XRN1: variants seen among roughly 807,000 people sequenced by gnomAD.
The protein encoded by XRN1 is strand-exchange protein 1 homolog.
A neutral mutation model predicts 222.3 loss-of-function variants in XRN1; 67 were observed. That is an observed-to-expected ratio of 0.30 (90% CI 0.25 to 0.37). XRN1 has a LOEUF of 0.37. Among genes scored for constraint, XRN1 ranks in the 10% least tolerant of loss-of-function variants. The pLI is 1.00. For synonymous variants in XRN1, 643 were observed against 652.4 expected, an observed-to-expected ratio of 0.99 and a Z score of 0.22; for missense variants, 1,707 against 2,000.2, an observed-to-expected ratio of 0.85 and a Z score of 2.80.
At chr3:142,413,061 T>C (rs938123049) in intron 14 of XRN1, among the ~76,000 whole-genome samples, 1 of 152,206 alleles carries the variant, frequency 6.6e-6, no homozygotes, top group African/African-American at 2.4e-5. Context: ...CAATTTACTT[T>C]CATGTCCTGA....
chr3:142,431,911 TAAATATATATA>T (rs2069588696), intron 2 of XRN1, among the ~76,000 whole-genome samples: 1 of 27,172 alleles, frequency 3.7e-5, no homozygotes, highest in African/African-American at 2.8e-4. Context: ...ATTATATATA[TAAATATATATA>T]ATATAATATA....
chr3:142,318,599 T>G lies in XRN1; in HGVS notation c.4614A>C (p.Pro1538=), dbSNP rs2065266737. 6.2e-7 allele frequency: 1 copy of G among 1,603,640 alleles called. No individual in the cohort carries two copies. The highest frequency in any genetic ancestry group is 8.5e-7 in the Non-Finnish European group (1 of 1,175,550). The change falls in exon 39 of 41, where the codon CCA becomes CCC. Residue 1538 remains proline (P), a synonymous_variant. Transcript: ENST00000392981. ...AAATGAAAAATATCTTACCAGTAGG[T>G]GGGGGAAAGGCTGGAGGAATGGTTC... ...PPGTIPPAFP[P]PTANIMPSSS... is the part of the protein sequence containing the mutation.
At chr3:142,379,490 C>T (rs372248311) in intron 23 of XRN1, among the ~76,000 whole-genome samples, 18 of 152,264 alleles carry the variant, frequency 1.2e-4, no homozygotes, top group East Asian at 1.2e-3. Context: ...GAAAATGAAG[C>T]TGGTTGATTG....
intron 20 of XRN1, among the ~76,000 whole-genome samples, chr3:142,389,894 TG>T (rs2067653126): frequency 6.6e-6 from 1 of 152,230 alleles, no homozygotes; most frequent in Non-Finnish European, 1.5e-5. Context: ...GAATGGATGT[TG>T]TGTTTGCATG....
intron 14 of XRN1, among the ~76,000 whole-genome samples, chr3:142,413,056 T>G (rs1002341284): frequency 3.3e-5 from 5 of 152,206 alleles, no homozygotes; most frequent in African/African-American, 1.2e-4. Context: ...ATTGACAATT[T>G]ACTTTCATGT....
At chr3:142,312,795 A>G (rs1294019250) in intron 39 of XRN1, 37 bp from the exon 40 acceptor site, 1 of 1,574,946 alleles carries the variant, frequency 6.3e-7, no homozygotes, top group Admixed American at 1.9e-5. Context: ...TTTTAGTAAA[A>G]TGGTATCATC....
chr3:142,422,137 C>A (rs1333369807), intron 8 of XRN1, among the ~76,000 whole-genome samples: 2 of 151,954 alleles, frequency 1.3e-5, no homozygotes, highest in Admixed American at 6.6e-5. Flanking sequence ...AAGTTTGAGA[C>A]CAGCCTGGTC....
Position 142,397,463 on chromosome 3 carries a change from TA to T in XRN1, c.2208-4del. ...CTGGAGGTTCTTCCAAGTAAAACCT[TA>T]AGAGTTAAAATAAAAATTATATAAC... On this transcript the variant is annotated splice_polypyrimidine_tract_variant and splice_region_variant and intron_variant, in intron 19 of 40. Transcript: ENST00000392981. The T allele has an allele frequency of 1.3e-6, 2 of 1,584,118 alleles. No homozygotes were observed. Among genetic ancestry groups the T allele is most frequent in the Non-Finnish European group, 1.7e-6 (2 of 1,167,270 alleles).
intron 36 of XRN1, among the ~76,000 whole-genome samples, chr3:142,330,819 T>C (rs2065675066): frequency 6.6e-6 from 1 of 152,158 alleles, no homozygotes; most frequent in South Asian, 2.1e-4. Context: ...GGTTTTGTTT[T>C]TGTTTTGACA....
chr3:142,441,143 G>C (rs1321970175), intron 1 of XRN1, among the ~76,000 whole-genome samples: 1 of 152,196 alleles, frequency 6.6e-6, no homozygotes. Flanking sequence ...ATTATCCAAA[G>C]GCACCAGGGC....
Position 142,367,051 on chromosome 3 carries a change from G to A in XRN1, c.3205-1685C>T, listed in dbSNP as rs577658813. 2.0e-5 allele frequency among the ~76,000 whole-genome samples: 3 copies of A among 152,272 alleles called. No homozygotes were observed. In the South Asian group the frequency reaches 6.2e-4, roughly 32 times the overall value. ...GCCTGTAATCCCAGCACTTTGGGAG[G>A]CCGAGGCAGGTGGATCACCTGAAGT... On this transcript the variant is annotated intron_variant, in intron 27 of 40. Transcript: ENST00000392981.
intron 32 of XRN1, among the ~76,000 whole-genome samples, chr3:142,354,479 T>C (rs958335961): frequency 1.3e-5 from 2 of 152,314 alleles, no homozygotes; most frequent in East Asian, 1.9e-4. Context: ...TACCCACATA[T>C]ATGAGTTGCA....
chr3:142,420,266 T>C (rs939318485), intron 10 of XRN1: 3 of 152,188 alleles, frequency 2.0e-5, no homozygotes, highest in African/African-American at 7.2e-5. Flanking sequence ...TTTCCCACAT[T>C]TGGCGAAATC....
At chr3:142,351,194 CAGA>C (rs2066295243) in intron 32 of XRN1, among the ~76,000 whole-genome samples, 1 of 152,080 alleles carries the variant, frequency 6.6e-6, no homozygotes, top group Non-Finnish European at 1.5e-5. Flanking sequence ...GGTATAGATA[CAGA>C]AGAAGTCCAA....
chr3:142,421,202 G>A, intron 9 of XRN1, 49 bp from the exon 10 acceptor site: 4 of 1,451,072 alleles, frequency 2.8e-6, no homozygotes, highest in Non-Finnish European at 3.7e-6. Context: ...AGTATATCTA[G>A]AAGAATACAA....
At chr3:142,373,916 A>C (rs1577317949) in intron 25 of XRN1, among the ~76,000 whole-genome samples, 1 of 152,320 alleles carries the variant, frequency 6.6e-6, no homozygotes, top group East Asian at 1.9e-4. Context: ...GGGGAGGCAG[A>C]GGTTGCAGTG....
chr3:142,315,761 C>A (rs1560279674), intron 39 of XRN1, among the ~76,000 whole-genome samples: 1 of 151,888 alleles, frequency 6.6e-6, no homozygotes, highest in East Asian at 1.9e-4. Flanking sequence ...GTGATCCACC[C>A]ACCTCTGCCT....
At chr3:142,394,816 G>A (rs144532673) in intron 20 of XRN1, among the ~76,000 whole-genome samples, 276 of 152,144 alleles carry the variant, frequency 1.8e-3, no homozygotes, top group Non-Finnish European at 2.9e-3. Flanking sequence ...ATCTCTTACT[G>A]GTGATTTTCA....
intron 22 of XRN1, 128 bp downstream of exon 22, chr3:142,383,172 A>T: frequency 5.3e-6 from 4 of 748,228 alleles, no homozygotes; most frequent in South Asian, 5.2e-5. Context: ...TGTGTTCATA[A>T]GTTACATGGA....
Sources: allele counts gnomAD v4.1 joint callset (sites outside exome capture counted in the v4.1 genomes callset), GRCh38; gene constraint gnomAD v4.1.1; transcripts MANE v1.5; gene names NCBI Gene and HGNC (gene_info 2026-07-23, HGNC 2026-07-21).